SLMAP: variants seen among roughly 807,000 people sequenced by gnomAD.
SLMAP encodes the protein sarcolemma associated protein.
Under a neutral mutation model 128.8 loss-of-function variants are expected in SLMAP, and 44 were observed. The observed-to-expected ratio is 0.34, with a 90% CI of 0.27 to 0.44. SLMAP has a LOEUF of 0.44. Ranked by LOEUF, SLMAP falls within the 20% of genes least tolerant of loss-of-function variation. The pLI is 1.00. For synonymous variants in SLMAP, 327 were observed against 348.8 expected (o/e 0.94, Z 0.70); for missense variants, 787 against 985.3 (o/e 0.80, Z 2.69).
intron 6 of SLMAP, among the ~76,000 whole-genome samples, chr3:57,857,366 A>G (rs1029543652): frequency 6.6e-6 from 1 of 152,162 alleles, no homozygotes; most frequent in African/African-American, 2.4e-5. Context: ...GTTTTTTCCT[A>G]TATATACACA....
In SLMAP at chr3:57,859,341, C is replaced by T. The variant is rs553780331; in HGVS notation, c.687+1182C>T. Among the ~76,000 whole-genome samples the T allele has an allele frequency of 2.2e-3, 311 of 144,034 alleles. 1 individual carries two copies. The highest frequency in any genetic ancestry group is 7.6e-3 in the African/African-American group (300 of 39,226). 94.5% of individuals were successfully genotyped at this position (144,034 alleles called of 152,430 possible). ...GTCTCAAAAAAAAAAAAAAAAAAAG[C>T]GGGGGCAGTTTGAGACCAGTATGGG... On this transcript the variant is annotated intron_variant, in intron 8 of 24. Coordinates refer to ENST00000671191, the MANE Select transcript of SLMAP (RefSeq NM_001377540.1).
chr3:57,836,357 C>T (rs1182882936), intron 3 of SLMAP, among the ~76,000 whole-genome samples: 1 of 151,918 alleles, frequency 6.6e-6, no homozygotes, highest in Non-Finnish European at 1.5e-5. Flanking sequence ...TAAAAAATTT[C>T]AGAAAAAGAA....
At chr3:57,773,045 T>G (rs757218354) in intron 2 of SLMAP, among the ~76,000 whole-genome samples, 5 of 152,220 alleles carry the variant, frequency 3.3e-5, no homozygotes, top group African/African-American at 4.8e-5. Context: ...AAGGAAGCTA[T>G]AAACGACAGC....
chr3:57,836,988 C>G (rs750757019), intron 3 of SLMAP, among the ~76,000 whole-genome samples: 4 of 152,206 alleles, frequency 2.6e-5, no homozygotes, highest in African/African-American at 4.8e-5. Flanking sequence ...TCACCAATAT[C>G]TTTTTCTTAG....
At chr3:57,887,936 A>G (rs1162797050) in intron 14 of SLMAP, among the ~76,000 whole-genome samples, 1 of 152,230 alleles carries the variant, frequency 6.6e-6, no homozygotes, top group Non-Finnish European at 1.5e-5. Context: ...AATGCTTTCA[A>G]AATTCTGATG....
chr3:57,796,710 G>C (rs1054547954), intron 2 of SLMAP, among the ~76,000 whole-genome samples: 2 of 152,130 alleles, frequency 1.3e-5, no homozygotes, highest in African/African-American at 4.8e-5. Flanking sequence ...TCATCACAGA[G>C]ACTGATTATA....
intron 2 of SLMAP, among the ~76,000 whole-genome samples, chr3:57,773,808 A>G (rs1017104834): frequency 5.9e-5 from 9 of 152,302 alleles, no homozygotes; most frequent in Admixed American, 2.0e-4. Flanking sequence ...ATTTTTAAAA[A>G]CTACCTACGT....
At chr3:57,793,237 G>A (rs2153478302) in intron 2 of SLMAP, among the ~76,000 whole-genome samples, 1 of 152,222 alleles carries the variant, frequency 6.6e-6, no homozygotes, top group Middle Eastern at 3.4e-3. Flanking sequence ...GGCTTCTTAT[G>A]TCCTTCCAGT....
intron 2 of SLMAP, among the ~76,000 whole-genome samples, chr3:57,762,246 C>A (rs1431735800): frequency 6.7e-6 from 1 of 148,750 alleles, no homozygotes; most frequent in Non-Finnish European, 1.5e-5. Context: ...CATGTGCCTG[C>A]AATCCCAGCT....
chr3:57,851,511 C>T (rs2094500357), intron 6 of SLMAP, among the ~76,000 whole-genome samples: 1 of 148,718 alleles, frequency 6.7e-6, no homozygotes, highest in Non-Finnish European at 1.5e-5. Flanking sequence ...TTCGCTCTGT[C>T]ACCCACGCTG....
rs932892027 is a variant in SLMAP, at chr3:57,848,164, C to CCTCCTG, written c.456+943_456+948dup. On this transcript the variant is annotated intron_variant, in intron 5 of 24. Transcript: ENST00000671191. Reference sequence around the variant, plus strand: ...AGTAGTCCTTCTTCCTTCTTCTTCTCCTCCTGCTCCTGCTCCTCCTCCTCC... The same window carrying CCTCCTG: ...AGTAGTCCTTCTTCCTTCTTCTTCTCCTCCTGCTCCTGCTCCTGCTCCTCCTCCTCC... 7.3e-5 allele frequency among the ~76,000 whole-genome samples: 11 copies of CCTCCTG among 151,724 alleles called. No individual in the cohort carries two copies. In the East Asian group the frequency reaches 1.2e-3, roughly 16 times the overall value.
At chr3:57,873,815 A>C (rs1420570510) in intron 14 of SLMAP, among the ~76,000 whole-genome samples, 2 of 152,102 alleles carry the variant, frequency 1.3e-5, no homozygotes, top group Non-Finnish European at 2.9e-5. Flanking sequence ...TCCTATAAAA[A>C]ACTTTAAAAA....
chr3:57,888,886 T>G (rs560049959), intron 14 of SLMAP, among the ~76,000 whole-genome samples: 5 of 150,098 alleles, frequency 3.3e-5, no homozygotes, highest in South Asian at 2.1e-4. Flanking sequence ...TTACTTTCTG[T>G]TTTTTTTTCT....
intron 2 of SLMAP, among the ~76,000 whole-genome samples, chr3:57,824,184 T>C (rs1577085928): frequency 6.6e-6 from 1 of 152,258 alleles, no homozygotes; most frequent in East Asian, 1.9e-4. Flanking sequence ...GAAGAAAGAA[T>C]AAGTAAACTT....
chr3:57,926,006 G>A (rs1319859350), intron 24 of SLMAP, 72 bp downstream of exon 24: 3 of 1,069,988 alleles, frequency 2.8e-6, no homozygotes, highest in Non-Finnish European at 4.2e-6. Flanking sequence ...GTAATATAGT[G>A]CATGGCAAGA....
intron 2 of SLMAP, among the ~76,000 whole-genome samples, chr3:57,826,918 G>A (rs2092966858): frequency 6.6e-6 from 1 of 152,024 alleles, no homozygotes; most frequent in Non-Finnish European, 1.5e-5. Flanking sequence ...GGCTTTTGGT[G>A]GTCTTCCCCA....
intron 3 of SLMAP, among the ~76,000 whole-genome samples, chr3:57,832,843 T>C (rs1238974906): frequency 6.6e-6 from 1 of 152,226 alleles, no homozygotes; most frequent in Non-Finnish European, 1.5e-5. Flanking sequence ...CTTAGGAATT[T>C]CCATTTACAA....
intron 2 of SLMAP, among the ~76,000 whole-genome samples, chr3:57,804,387 C>A (rs2089339715): frequency 6.6e-6 from 1 of 152,138 alleles, no homozygotes; most frequent in African/African-American, 2.4e-5. Flanking sequence ...ATTAAGAAGT[C>A]AGGAATGATA....
At chr3:57,892,964 G>C (rs2096129833) in intron 15 of SLMAP, among the ~76,000 whole-genome samples, 1 of 150,940 alleles carries the variant, frequency 6.6e-6, no homozygotes. Context: ...CTCCCAAGTA[G>C]CTGGGAGTAC....
Sources: gnomAD v4.1 joint callset for allele counts (sites outside exome capture counted in the v4.1 genomes callset) on GRCh38, gnomAD v4.1.1 for gene constraint, MANE v1.5 for transcripts, NCBI Gene and HGNC (gene_info 2026-07-23, HGNC 2026-07-21) for gene names.